The following DACH1 variants were observed in gnomAD, a reference collection of about 807,000 sequenced individuals.
DACH1 encodes dachshund homolog 1.
In DACH1, 12 loss-of-function variants were observed where a neutral mutation model predicts 54.2. The observed-to-expected ratio is 0.22, with a 90% CI of 0.14 to 0.36. DACH1 has a LOEUF of 0.36. Among genes scored for constraint, DACH1 ranks in the 10% least tolerant of loss-of-function variants. DACH1 has a pLI of 1.00. For synonymous variants in DACH1, 386 were observed against 366.2 expected, an observed-to-expected ratio of 1.05 and a Z score of -0.62; for missense variants, 805 against 929.8, an observed-to-expected ratio of 0.87 and a Z score of 1.75.
chr13:71,865,097 C>A (rs1414854310), intron 1 of DACH1, among the ~76,000 whole-genome samples: 1 of 152,144 alleles, frequency 6.6e-6, no homozygotes. Context: ...CGGTCACCTC[C>A]CCCTACCGAA....
chr13:71,692,247 G>A (rs972489670), intron 1 of DACH1, among the ~76,000 whole-genome samples: 4 of 152,058 alleles, frequency 2.6e-5, no homozygotes, highest in Non-Finnish European at 4.4e-5. Context: ...AAAGCAGGTA[G>A]TTATCTAACT....
intron 1 of DACH1, among the ~76,000 whole-genome samples, chr13:71,764,885 A>G (rs1566486472): frequency 6.6e-6 from 1 of 152,174 alleles, no homozygotes; most frequent in Non-Finnish European, 1.5e-5. Context: ...CTTTAAAACA[A>G]TGTAATTTAT....
chr13:71,581,872 A>T (rs1872877996), intron 3 of DACH1, among the ~76,000 whole-genome samples: 1 of 152,132 alleles, frequency 6.6e-6, no homozygotes, highest in Non-Finnish European at 1.5e-5. Context: ...CCATATAAAG[A>T]TCAGATTTTA....
intron 4 of DACH1, among the ~76,000 whole-genome samples, chr13:71,568,210 C>A (rs1885004603): frequency 6.6e-6 from 1 of 151,854 alleles, no homozygotes; most frequent in Non-Finnish European, 1.5e-5. Flanking sequence ...AATAAAAATT[C>A]CTAACACAAA....
At chr13:71,481,870 A>T (rs571404510) in intron 7 of DACH1, among the ~76,000 whole-genome samples, 161 of 152,328 alleles carry the variant, frequency 1.1e-3, no homozygotes, top group African/African-American at 3.7e-3. Context: ...AGATTTGTGT[A>T]ACTTCTGTAA....
intron 6 of DACH1, among the ~76,000 whole-genome samples, chr13:71,499,769 G>A (rs953722837): frequency 6.6e-6 from 1 of 152,086 alleles, no homozygotes; most frequent in Non-Finnish European, 1.5e-5. Flanking sequence ...TTTAAAGTCT[G>A]CGCTTGCCCA....
intron 7 of DACH1, among the ~76,000 whole-genome samples, chr13:71,482,634 G>A (rs1332089996): frequency 6.6e-6 from 1 of 152,036 alleles, no homozygotes; most frequent in Non-Finnish European, 1.5e-5. Flanking sequence ...AGTTGAGTGT[G>A]CCTAGATCAG....
At chr13:71,805,803 A>G (rs147129648) in intron 1 of DACH1, among the ~76,000 whole-genome samples, 1 of 152,000 alleles carries the variant, frequency 6.6e-6, no homozygotes, top group Non-Finnish European at 1.5e-5. Flanking sequence ...AATAATATTC[A>G]TTTGAATTCT....
intron 6 of DACH1, among the ~76,000 whole-genome samples, chr13:71,519,037 G>A (rs1881371124): frequency 6.6e-6 from 1 of 151,868 alleles, no homozygotes; most frequent in Non-Finnish European, 1.5e-5. Flanking sequence ...CAACAGGAGA[G>A]TCGAGTAGTT....
chr13:71,854,274 T>C lies in DACH1; in HGVS notation c.848+11648A>G, dbSNP rs17070964. On this transcript the variant is annotated intron_variant, in intron 1 of 10. Transcript: ENST00000613252. The stretch of plus-strand genomic sequence containing the variant: ...AGATGTTTATAGGTAAATTTCATGG[T>C]AAAATGTTTCTATTTCATGCACAAT... 8.4e-3 allele frequency among the ~76,000 whole-genome samples: 1,272 copies of C among 152,090 alleles called. 13 individuals carry two copies. The highest frequency in any genetic ancestry group is 0.011 in the Non-Finnish European group (767 of 67,974).
intron 2 of DACH1, among the ~76,000 whole-genome samples, chr13:71,651,032 T>C (rs958608860): frequency 3.3e-5 from 5 of 152,180 alleles, no homozygotes; most frequent in Non-Finnish European, 5.9e-5. Flanking sequence ...CATTTGAACT[T>C]ACTGTTATAT....
In DACH1 at chr13:71,494,872, C is replaced by T. The variant is rs551165477; in HGVS notation, c.1571-5724G>A. ...AACTGACTATCAGTAAGATTGATGC[C>T]TCTGTAAGACAAAGTATTTTTCTCT... On this transcript the variant is annotated intron_variant, in intron 6 of 10. Coordinates refer to ENST00000613252, the MANE Select transcript of DACH1 (RefSeq NM_080759.6). Among the ~76,000 whole-genome samples the T allele has an allele frequency of 3.3e-5, 5 of 151,870 alleles. No individual in the cohort carries two copies. In the East Asian group the frequency reaches 9.6e-4, roughly 29 times the overall value.
At chr13:71,836,405 AAG>A (rs1005987934) in intron 1 of DACH1, among the ~76,000 whole-genome samples, 1 of 152,096 alleles carries the variant, frequency 6.6e-6, no homozygotes, top group African/African-American at 2.4e-5. Context: ...CGAGTAAGCT[AAG>A]ACTCACAGAC....
chr13:71,821,407 C>T (rs1293411264), intron 1 of DACH1, among the ~76,000 whole-genome samples: 4 of 59,292 alleles, frequency 6.7e-5, no homozygotes, highest in Non-Finnish European at 2.0e-4. Context: ...CCCTTCTCAG[C>T]TTGATTATTC....
At chr13:71,475,623 T>A in intron 9 of DACH1, 83 bp downstream of exon 9, 1 of 1,451,524 alleles carries the variant, frequency 6.9e-7, no homozygotes, top group Non-Finnish European at 9.2e-7. Context: ...TATAGAAACA[T>A]ACAAAACTAC....
intron 10 of DACH1, among the ~76,000 whole-genome samples, chr13:71,444,034 A>C (rs919070860): frequency 6.6e-6 from 1 of 152,152 alleles, no homozygotes; most frequent in Non-Finnish European, 1.5e-5. Flanking sequence ...TATATGAGTA[A>C]TATATAATTA....
intron 1 of DACH1, among the ~76,000 whole-genome samples, chr13:71,800,375 C>A (rs955049027): frequency 1.3e-5 from 2 of 152,022 alleles, no homozygotes; most frequent in African/African-American, 4.8e-5. Context: ...AGGGAAAACA[C>A]AAGAGTTTGG....
At chr13:71,502,672 A>C (rs1721831027) in intron 6 of DACH1, among the ~76,000 whole-genome samples, 2 of 152,214 alleles carry the variant, frequency 1.3e-5, no homozygotes, top group Admixed American at 1.3e-4. Flanking sequence ...TAATGCAACA[A>C]ATTATCTTCT....
intron 1 of DACH1, among the ~76,000 whole-genome samples, chr13:71,814,169 G>A (rs548010928): frequency 1.2e-3 from 182 of 152,244 alleles, no homozygotes; most frequent in South Asian, 1.7e-3. Flanking sequence ...ATAAAGTCTG[G>A]TTTGTCCAAA....
Sources: allele counts gnomAD v4.1 joint callset (sites outside exome capture counted in the v4.1 genomes callset), GRCh38; gene constraint gnomAD v4.1.1; transcripts MANE v1.5; gene names NCBI Gene and HGNC (gene_info 2026-07-23, HGNC 2026-07-21).